FCRL2: variants seen among roughly 807,000 people sequenced by gnomAD.
The protein encoded by FCRL2 is Fc receptor like 2.
Under a neutral mutation model 59.8 loss-of-function variants are expected in FCRL2, and 48 were observed. The observed-to-expected ratio is 0.80, with a 90% CI of 0.64 to 1.02. FCRL2 has a LOEUF of 1.02. Among genes scored for constraint, FCRL2 ranks in the 50% least tolerant of loss-of-function variants. The pLI is 0.00. For synonymous variants in FCRL2, 251 were observed against 229.5 expected (o/e 1.09, Z -0.85); for missense variants, 658 against 597.3 (o/e 1.10, Z -1.06).
chr1:157,761,984 T>C (rs1164481475), intron 7 of FCRL2, among the ~76,000 whole-genome samples: 1 of 152,024 alleles, frequency 6.6e-6, no homozygotes, highest in African/African-American at 2.4e-5. Flanking sequence ...AACATTGAAG[T>C]GGTAAGAAGA....
At position 157,766,854 on chromosome 1, in the gene FCRL2, C is replaced by G; in HGVS notation, c.1279+1G>C. On this transcript the variant is annotated splice_donor_variant, in intron 7 of 11. Transcript: ENST00000361516. LOFTEE classifies it high-confidence loss of function. Reference sequence around the variant, plus strand: ...TGGAGAATCCAAATGGTAGATACAACCTGATATCTTGTGGAACAAGGCATA... The same window carrying G: ...TGGAGAATCCAAATGGTAGATACAAGCTGATATCTTGTGGAACAAGGCATA... 3 of 1,614,042 alleles carry G rather than the reference C, an allele frequency of 1.9e-6. No individual in the cohort carries two copies. Among genetic ancestry groups the G allele is most frequent in the Non-Finnish European group, 2.5e-6 (3 of 1,179,990 alleles).
chr1:157,768,747 G>A, intron 4 of FCRL2, 46 bp from the exon 5 acceptor site: 2 of 1,532,648 alleles, frequency 1.3e-6, no homozygotes, highest in South Asian at 2.6e-5. Flanking sequence ...GGGAAACTCT[G>A]GGAACAGGGT....
At chr1:157,758,854 G>A (rs919022793) in intron 7 of FCRL2, among the ~76,000 whole-genome samples, 4 of 152,178 alleles carry the variant, frequency 2.6e-5, no homozygotes, top group Admixed American at 6.5e-5. Flanking sequence ...AATAAATGCT[G>A]ATGGGATAAC....
chr1:157,775,862 T>A, intron 1 of FCRL2, 67 bp from the exon 2 acceptor site: 2 of 1,551,430 alleles, frequency 1.3e-6, no homozygotes. Flanking sequence ...AAATTTATAT[T>A]ACTCTGGTAA....
chr1:157,770,289 C>G (rs1649898573), intron 3 of FCRL2, 120 bp downstream of exon 3: 4 of 1,453,994 alleles, frequency 2.8e-6, no homozygotes, highest in Non-Finnish European at 3.7e-6. Flanking sequence ...CTTTGATGAT[C>G]AAACCACAAG....
At chr1:157,753,573 T>C (rs1324284292) in intron 7 of FCRL2, among the ~76,000 whole-genome samples, 1 of 152,212 alleles carries the variant, frequency 6.6e-6, no homozygotes, top group Non-Finnish European at 1.5e-5. Flanking sequence ...TCCCAGTACA[T>C]TGATGTATTC....
rs772045631 is a variant in FCRL2 at position 157,770,527 on chromosome 1, G to T, written c.192C>A (p.Phe64Leu). 3.2e-5 allele frequency: 52 copies of T among 1,614,098 alleles called. No homozygotes were observed. Among genetic ancestry groups the T allele is most frequent in the Non-Finnish European group, 4.2e-5 (49 of 1,180,038 alleles). Residue 64 changes from phenylalanine (F) to leucine (L), a missense_variant, in exon 3 of 12, where the codon TTC (phenylalanine) becomes TTA (leucine). Coordinates refer to ENST00000361516, the MANE Select transcript of FCRL2 (RefSeq NM_030764.4). Reference protein sequence around the residue: ...DNKELSVFKKFSDFLIQSAVL... With the variant: ...DNKELSVFKKLSDFLIQSAVL... Reference sequence around the variant, plus strand: ...CTGCACTTTGGATAAGGAAATCTGAGAATTTTTTGAAAACAGATAACTCTT... The same window carrying T: ...CTGCACTTTGGATAAGGAAATCTGATAATTTTTTGAAAACAGATAACTCTT...
In FCRL2 at chr1:157,749,633, C is replaced by T. The variant is rs541954716; in HGVS notation, c.1307+17G>A. 47 of 1,595,192 alleles carry T rather than the reference C, an allele frequency of 2.9e-5. No homozygotes were observed. Among genetic ancestry groups the T allele is most frequent in the African/African-American group, 2.4e-4 (18 of 74,516 alleles). On this transcript the variant is annotated intron_variant, in intron 8 of 11. Transcript: ENST00000361516. ...GAGACCTCTAGAATTAAAATTTTTA[C>T]TAGGAAGAGTTCTCACCTGGGTTCA...
At chr1:157,747,252 C>T (rs1012063991) in intron 10 of FCRL2, among the ~76,000 whole-genome samples, 1 of 152,186 alleles carries the variant, frequency 6.6e-6, no homozygotes, top group African/African-American at 2.4e-5. Context: ...ATGTGTGGTT[C>T]ACCTCACTAC....
chr1:157,772,212 T>A (rs940485024), intron 2 of FCRL2, among the ~76,000 whole-genome samples: 1 of 151,676 alleles, frequency 6.6e-6, no homozygotes, highest in Non-Finnish European at 1.5e-5. Flanking sequence ...ACAGGAAAGA[T>A]TCCTGTAGAG....
rs369593042 is a variant in FCRL2, at chr1:157,770,669, G to A, written c.53-3C>T. 6.2e-7 allele frequency: 1 copy of A among 1,613,684 alleles called. No homozygotes were observed. Among genetic ancestry groups the A allele is most frequent in the African/African-American group, 1.3e-5 (1 of 74,900 alleles). On this transcript the variant is annotated splice_region_variant and splice_polypyrimidine_tract_variant and intron_variant, in intron 2 of 11. Transcript: ENST00000361516. Reference sequence around the variant, plus strand: ...GGGCGCCACAAGGGTCAGCGAATCTGGAAGAGAAGGAGGGAAACCGGATTT... The same window carrying A: ...GGGCGCCACAAGGGTCAGCGAATCTAGAAGAGAAGGAGGGAAACCGGATTT...
chr1:157,775,198 A>T (rs1181299872), intron 2 of FCRL2, among the ~76,000 whole-genome samples: 25 of 152,216 alleles, frequency 1.6e-4, no homozygotes, highest in Admixed American at 1.6e-3. Flanking sequence ...ATTCGTTTAC[A>T]TATGGTCTAT....
Position 157,770,713 on chromosome 1 carries a change from C to G in FCRL2, c.53-47G>C, listed in dbSNP as rs192398473. ...CGGATTTGCCATTTCTGCAGAGAAC[C>G]CAGACAGACTCCATTGGCAGTGAGG... is the stretch of plus-strand genomic sequence containing the variant. On this transcript the variant is annotated intron_variant, in intron 2 of 11. Transcript: ENST00000361516. The G allele has an allele frequency of 1.1e-4, 183 of 1,605,706 alleles. No homozygotes were observed. The African/African-American group carries it at 2.1e-3, about 18-fold the overall frequency.
intron 1 of FCRL2, among the ~76,000 whole-genome samples, chr1:157,776,228 G>A (rs577369283): frequency 4.6e-5 from 7 of 152,216 alleles, no homozygotes; most frequent in South Asian, 4.2e-4. Flanking sequence ...CATATTTCAC[G>A]TTAGAGCCCT....
At chr1:157,746,937 T>C in intron 10 of FCRL2, 38 bp from the exon 11 acceptor site, 1 of 1,605,662 alleles carries the variant, frequency 6.2e-7, no homozygotes, top group African/African-American at 1.3e-5. Context: ...GCTCTTGCAT[T>C]CTTAATTAGG....
At chr1:157,767,117 G>GA in intron 6 of FCRL2, 114 bp downstream of exon 6, 3 of 1,384,054 alleles carry the variant, frequency 2.2e-6, no homozygotes, top group Non-Finnish European at 3.0e-6. Flanking sequence ...GGGGAGAAGA[G>GA]AAGCCACTGG....
chr1:157,754,307 C>G (rs552770552), intron 7 of FCRL2, among the ~76,000 whole-genome samples: 4 of 152,248 alleles, frequency 2.6e-5, no homozygotes, highest in African/African-American at 9.6e-5. Flanking sequence ...CCTCTAGTTG[C>G]CCTCACTGCT....
intron 8 of FCRL2, among the ~76,000 whole-genome samples, chr1:157,749,268 T>C (rs1233928237): frequency 6.6e-6 from 1 of 152,168 alleles, no homozygotes; most frequent in African/African-American, 2.4e-5. Flanking sequence ...CTTCTTGTAC[T>C]CTGGACATAT....
At position 157,771,087 on chromosome 1, in the gene FCRL2, G is replaced by A. The variant is rs144504053; in HGVS notation, c.53-421C>T. ...TAGTCCTATTCATGAGGGTTCCACC[G>A]TCATGACCTTATTACCTCCCAAAGG... On this transcript the variant is annotated intron_variant, in intron 2 of 11. Coordinates refer to ENST00000361516, the MANE Select transcript of FCRL2 (RefSeq NM_030764.4). Among the ~76,000 whole-genome samples the A allele has an allele frequency of 2.4e-3, 371 of 152,190 alleles. 2 individuals are homozygous for A. Among genetic ancestry groups the A allele is most frequent in the Non-Finnish European group, 4.4e-3 (299 of 68,012 alleles).
Sources: gnomAD v4.1 joint callset for allele counts (sites outside exome capture counted in the v4.1 genomes callset) on GRCh38, gnomAD v4.1.1 for gene constraint, MANE v1.5 for transcripts, NCBI Gene and HGNC (gene_info 2026-07-23, HGNC 2026-07-21) for gene names.